Variants in RFX3 observed in about 807,000 individuals in gnomAD.
RFX3 encodes the protein transcription factor RFX3.
A neutral mutation model predicts 98.6 loss-of-function variants in RFX3; 14 were observed. The ratio of observed to expected loss-of-function variants is 0.14; its 90% CI spans 0.09 to 0.22. The LOEUF is 0.22. RFX3 is among the 10% of genes least tolerant of loss of function. The pLI is 1.00. For missense variants in RFX3, 639 were observed against 926.9 expected, an observed-to-expected ratio of 0.69 and a Z score of 4.03; for synonymous variants, 383 against 328.4, an observed-to-expected ratio of 1.17 and a Z score of -1.80.
At chr9:3,225,351 G>C in intron 16 of RFX3, 71 bp from the exon 17 acceptor site, 1 of 1,579,740 alleles carries the variant, frequency 6.3e-7, no homozygotes, top group Non-Finnish European at 8.6e-7. Flanking sequence ...AGGTGCTTTA[G>C]AAACACTTTA....
At chr9:3,346,046 A>C (rs551722281) in intron 3 of RFX3, among the ~76,000 whole-genome samples, 1 of 152,328 alleles carries the variant, frequency 6.6e-6, no homozygotes, top group South Asian at 2.1e-4. Context: ...TGCGACTTAC[A>C]ATAATTCTTA....
Position 3,492,630 on chromosome 9 carries a change from T to C in RFX3, c.-9+33117A>G, listed in dbSNP as rs191107092. On this transcript the variant is annotated intron_variant, in intron 1 of 16. Coordinates refer to ENST00000617270, the MANE Select transcript of RFX3 (RefSeq NM_001282116.2). The stretch of plus-strand genomic sequence containing the variant: ...ATAGCTTGCAAGGGGTGGGGCAACA[T>C]TGCCTGCAGGATGATCTTGTGGGCA... Among the ~76,000 whole-genome samples the C allele has an allele frequency of 1.4e-4, 22 of 152,296 alleles. No individual in the cohort carries two copies. The East Asian group carries it at 3.5e-3, about 24-fold the overall frequency.
Position 3,375,383 on chromosome 9 carries a change from A to G in RFX3, c.117+20089T>C, listed in dbSNP as rs1838349951. 2.6e-5 allele frequency among the ~76,000 whole-genome samples: 4 copies of G among 152,194 alleles called. No individual in the cohort carries two copies. In the South Asian group the frequency reaches 8.3e-4, roughly 32 times the overall value. ...ATGATGTAGCTTATTTGTCTTATCT[A>G]ACTCTGTCCATGGCATGCTGCGGCC... On this transcript the variant is annotated intron_variant, in intron 2 of 16. Coordinates refer to ENST00000617270, the MANE Select transcript of RFX3 (RefSeq NM_001282116.2).
chr9:3,471,407 G>A (rs1256572034), intron 1 of RFX3, among the ~76,000 whole-genome samples: 1 of 152,132 alleles, frequency 6.6e-6, no homozygotes, highest in Non-Finnish European at 1.5e-5. Context: ...CTCAAACAGA[G>A]GTCTCCTAAT....
intron 1 of RFX3, among the ~76,000 whole-genome samples, chr9:3,488,204 T>C (rs765444212): frequency 5.3e-5 from 8 of 152,140 alleles, no homozygotes; most frequent in African/African-American, 1.9e-4. Flanking sequence ...GAAACACATA[T>C]AGAATTGTTC....
At chr9:3,309,138 T>C (rs1563901551) in intron 4 of RFX3, among the ~76,000 whole-genome samples, 1 of 152,154 alleles carries the variant, frequency 6.6e-6, no homozygotes, top group Non-Finnish European at 1.5e-5. Flanking sequence ...AGAACGTCAT[T>C]TCTTTTGAGT....
chr9:3,223,679 T>G lies in RFX3; in HGVS notation c.*1363A>C, dbSNP rs554114429. 4.6e-5 allele frequency: 7 copies of G among 152,340 alleles called. No individual in the cohort carries two copies. In the South Asian group the frequency reaches 1.2e-3, roughly 27 times the overall value. 9.4% of individuals were successfully genotyped at this position (152,340 alleles called of 1,614,324 possible). On this transcript the variant is annotated 3_prime_UTR_variant, in exon 17 of 17. Coordinates refer to ENST00000617270, the MANE Select transcript of RFX3 (RefSeq NM_001282116.2). ...TTGTTTTCCTTTGTTTTCCCTAAAT[T>G]TCCTTTGAAGAACATGTCACCTGTC...
rs1460527048 is a variant in RFX3, at chr9:3,330,431, G to A, written c.302C>T (p.Ala101Val). Residue 101 changes from alanine to valine, a missense_variant, in exon 4 of 17, where the codon GCC (alanine) becomes GTC (valine). Physicochemically the swap from Ala to Val is moderately conservative, Grantham distance 64. Transcript: ENST00000617270. ...GNYFDTQGSS[A>V]QVTTVVSSHS... ...GGATGAGACCACGGTAGTCACCTGG[G>A]CGGAACTCCCTTGAGTATCAAAGTA... The A allele has an allele frequency of 1.2e-6, 2 of 1,613,936 alleles. No individual in the cohort carries two copies. The highest frequency in any genetic ancestry group is 1.3e-5 in the African/African-American group (1 of 74,888).
chr9:3,512,279 C>A (rs1265031930), intron 1 of RFX3, among the ~76,000 whole-genome samples: 1 of 151,896 alleles, frequency 6.6e-6, no homozygotes, highest in African/African-American at 2.4e-5. Context: ...GCAAATATTT[C>A]AAATTATATA....
chr9:3,293,026 C>A, intron 6 of RFX3, 51 bp downstream of exon 6: 1 of 1,407,004 alleles, frequency 7.1e-7, no homozygotes, highest in Non-Finnish European at 9.8e-7. Flanking sequence ...ATTGAATTGC[C>A]CTAGTTTGAA....
chr9:3,391,375 A>G lies in RFX3; in HGVS notation c.117+4097T>C, dbSNP rs147337649. ...AAAGAAGAAAAACATGCTTCTAAATAAGTCTGGGAGGACAACATAACAAGG... is the reference window on the plus strand; with the variant it reads ...AAAGAAGAAAAACATGCTTCTAAATGAGTCTGGGAGGACAACATAACAAGG... On this transcript the variant is annotated intron_variant, in intron 2 of 16. Transcript: ENST00000617270. Among the ~76,000 whole-genome samples the G allele has an allele frequency of 1.9e-3, 282 of 152,332 alleles. 1 individual carries two copies. The highest frequency in any genetic ancestry group is 2.8e-3 in the Non-Finnish European group (191 of 68,024).
intron 1 of RFX3, among the ~76,000 whole-genome samples, chr9:3,432,377 G>C (rs753049848): frequency 6.6e-6 from 1 of 152,128 alleles, no homozygotes; most frequent in Non-Finnish European, 1.5e-5. Context: ...TACTATGGAA[G>C]AGAACCCCAG....
rs1262221942 is a variant in RFX3 at position 3,525,932 on chromosome 9, G to A, written c.-194C>T. On this transcript the variant is annotated 5_prime_UTR_variant, in exon 1 of 17. Coordinates refer to ENST00000617270, the MANE Select transcript of RFX3 (RefSeq NM_001282116.2). ...CGGTTGCTATAACTCACAAAAGAGAGAGAGAGAGGGAGAGAGAGAGAGAGC... is the reference window on the plus strand; with the variant it reads ...CGGTTGCTATAACTCACAAAAGAGAAAGAGAGAGGGAGAGAGAGAGAGAGC... 4 of 932,304 alleles carry A rather than the reference G, an allele frequency of 4.3e-6. No homozygotes were observed. The African/African-American group carries it at 7.3e-5, about 17-fold the overall frequency. 57.8% of individuals were successfully genotyped at this position (932,304 alleles called of 1,614,324 possible). A position where few individuals can be genotyped will look rare whatever the true frequency, so the allele number is the denominator to read the frequency against.
chr9:3,431,165 G>C (rs1844623150), intron 1 of RFX3, among the ~76,000 whole-genome samples: 1 of 152,160 alleles, frequency 6.6e-6, no homozygotes, highest in South Asian at 2.1e-4. Flanking sequence ...TCATCTCTGA[G>C]TGAGCAGTTC....
Position 3,374,286 on chromosome 9 carries a change from A to G in RFX3, c.117+21186T>C, listed in dbSNP as rs571518149. ...TATAGCAGCTCCTCAAAATTTTAAA[A>G]ATAGAATTATCATATGATCCAGCAA... On this transcript the variant is annotated intron_variant, in intron 2 of 16. Transcript: ENST00000617270. 1.9e-4 allele frequency among the ~76,000 whole-genome samples: 29 copies of G among 152,304 alleles called. No homozygotes were observed. In the South Asian group the frequency reaches 5.6e-3, roughly 29 times the overall value.
At position 3,361,220 on chromosome 9, in the gene RFX3, C is replaced by A. The variant is rs1483089502; in HGVS notation, c.118-14456G>T. Among the ~76,000 whole-genome samples the A allele has an allele frequency of 2.6e-5, 4 of 151,994 alleles. No individual in the cohort carries two copies. The East Asian group carries it at 7.7e-4, about 29-fold the overall frequency. The stretch of plus-strand genomic sequence containing the variant: ...ATTATAACAGCTATTAATAAAAGGA[C>A]AGTGGAGAAGGAAGACATCCAGAGT... On this transcript the variant is annotated intron_variant, in intron 2 of 16. Transcript: ENST00000617270.
intron 1 of RFX3, among the ~76,000 whole-genome samples, chr9:3,436,762 A>T (rs139274748): frequency 3.9e-4 from 60 of 152,180 alleles, no homozygotes; most frequent in African/African-American, 1.4e-3. Flanking sequence ...AATGAACTTG[A>T]GAAGACAGAA....
chr9:3,502,709 TC>T (rs1816164942), intron 1 of RFX3, among the ~76,000 whole-genome samples: 1 of 152,190 alleles, frequency 6.6e-6, no homozygotes, highest in Admixed American at 6.6e-5. Context: ...GATTTTTTTT[TC>T]CTCACCCTTC....
chr9:3,419,424 A>G (rs974010925), intron 1 of RFX3, among the ~76,000 whole-genome samples: 2 of 152,226 alleles, frequency 1.3e-5, no homozygotes, highest in East Asian at 1.9e-4. Flanking sequence ...TATCTTAAAA[A>G]TACCATATTT....
Sources: allele counts gnomAD v4.1 joint callset (sites outside exome capture counted in the v4.1 genomes callset), GRCh38; gene constraint gnomAD v4.1.1; transcripts MANE v1.5; gene names NCBI Gene and HGNC (gene_info 2026-07-23, HGNC 2026-07-21).